The following ERCC6L2 variants were observed in gnomAD, a reference collection of about 807,000 sequenced individuals.
The protein encoded by ERCC6L2 is ERCC excision repair 6 like 2.
A neutral mutation model predicts 132.0 loss-of-function variants in ERCC6L2; 77 were observed. The observed-to-expected ratio is 0.58, with a 90% CI of 0.49 to 0.71. The LOEUF (loss-of-function observed/expected upper bound fraction) is 0.71, where lower values mean the gene tolerates loss of function less well. Ranked by LOEUF, ERCC6L2 falls within the 30% of genes least tolerant of loss-of-function variation. The probability of loss-of-function intolerance (pLI) is 0.00; values close to 1 mark genes in which losing one functional copy is unlikely to be tolerated. For synonymous variants in ERCC6L2, 583 were observed against 632.4 expected (o/e 0.92, Z 1.17); for missense variants, 1,542 against 1,837.6 (o/e 0.84, Z 2.94).
In ERCC6L2 at chr9:96,013,132, A is replaced by C. The variant is rs750844516; in HGVS notation, c.4582A>C (p.Lys1528Gln). The C allele has an allele frequency of 2.9e-6, 4 of 1,367,412 alleles. No individual in the cohort carries two copies. The highest frequency in any genetic ancestry group is 3.9e-6 in the Non-Finnish European group (4 of 1,021,808). 84.7% of individuals were successfully genotyped at this position (1,367,412 alleles called of 1,614,324 possible). The change falls in exon 19 of 19, where the codon AAA becomes CAA. Residue 1528 changes from lysine (K) to glutamine (Q), a missense_variant. Lys to Gln is a moderately conservative substitution (Grantham distance 53). Transcript: ENST00000653738. ...AACTTCTCTTTGGAAATCAAATGAG[A>C]AATTTTTATGGAAGAAATTTAGCCC... Reference protein sequence around the residue: ...PATSLWKSNEKFLWKKFSPSD... With the variant: ...PATSLWKSNEQFLWKKFSPSD...
In ERCC6L2 at chr9:95,915,831, T is replaced by G. The variant is rs1829557865; in HGVS notation, c.950+2T>G. ...GGAACTGTGGTGTGTTATGGACTGG[T>G]GAGAGAAAACACTTTTTAAAAAATT... On this transcript the variant is annotated splice_donor_variant, in intron 5 of 18. Transcript: ENST00000653738. LOFTEE classifies it high-confidence loss of function. 1.3e-6 allele frequency: 2 copies of G among 1,583,928 alleles called. No individual in the cohort carries two copies. Among genetic ancestry groups the G allele is most frequent in the Non-Finnish European group, 1.7e-6 (2 of 1,169,042 alleles).
At chr9:95,975,318 T>G (rs913367167) in intron 16 of ERCC6L2, among the ~76,000 whole-genome samples, 7 of 152,178 alleles carry the variant, frequency 4.6e-5, no homozygotes, top group Non-Finnish European at 7.3e-5. Flanking sequence ...TTCATGAGAA[T>G]AATATTCCCT....
intron 13 of ERCC6L2, among the ~76,000 whole-genome samples, chr9:95,963,873 C>T (rs927590821): frequency 6.6e-6 from 1 of 152,134 alleles, no homozygotes; most frequent in African/African-American, 2.4e-5. Context: ...GTGCTCTTCT[C>T]GTTGCATCAG....
chr9:95,939,674 T>C (rs561982017), intron 11 of ERCC6L2, among the ~76,000 whole-genome samples: 18 of 152,328 alleles, frequency 1.2e-4, no homozygotes, highest in Middle Eastern at 3.4e-3. Flanking sequence ...TTGTTTTGTT[T>C]GTTTTTGCTG....
intron 4 of ERCC6L2, 51 bp downstream of exon 4, chr9:95,907,322 T>G: frequency 2.1e-6 from 2 of 955,654 alleles, no homozygotes; most frequent in Non-Finnish European, 3.0e-6. Flanking sequence ...TCTACTTACA[T>G]CCCTTTATAT....
intron 17 of ERCC6L2, among the ~76,000 whole-genome samples, chr9:96,001,648 T>A (rs1270771301): frequency 6.6e-6 from 1 of 152,244 alleles, no homozygotes. Flanking sequence ...GGAGCCCAGC[T>A]GGCTTCACCC....
intron 12 of ERCC6L2, among the ~76,000 whole-genome samples, chr9:95,951,370 A>G (rs901050822): frequency 6.6e-6 from 1 of 152,188 alleles, no homozygotes. Flanking sequence ...AAAGGTCTAA[A>G]TCAACAATTA....
intron 13 of ERCC6L2, among the ~76,000 whole-genome samples, chr9:95,961,784 T>G (rs984419471): frequency 6.6e-6 from 1 of 152,080 alleles, no homozygotes; most frequent in African/African-American, 2.4e-5. Context: ...AAGAAGAGGT[T>G]TAATGGACTT....
intron 16 of ERCC6L2, among the ~76,000 whole-genome samples, chr9:95,976,221 G>C (rs1415086728): frequency 3.9e-5 from 6 of 152,066 alleles, no homozygotes; most frequent in Admixed American, 3.9e-4. Context: ...TCTCTCCCTT[G>C]CTTTGCTCTA....
At chr9:95,992,959 A>C (rs1833353009) in intron 17 of ERCC6L2, among the ~76,000 whole-genome samples, 1 of 152,232 alleles carries the variant, frequency 6.6e-6, no homozygotes, top group African/African-American at 2.4e-5. Context: ...GGTAGTCTTT[A>C]TAGAAAATAT....
intron 7 of ERCC6L2, among the ~76,000 whole-genome samples, 175 bp from the exon 8 acceptor site, chr9:95,922,130 C>A (rs1417479613): frequency 1.3e-5 from 2 of 152,196 alleles, no homozygotes; most frequent in Non-Finnish European, 2.9e-5. Context: ...CAAAAGTATG[C>A]TTCCACATTA....
At chr9:96,004,794 A>G in intron 18 of ERCC6L2, 93 bp downstream of exon 18, 1 of 792,674 alleles carries the variant, frequency 1.3e-6, no homozygotes, top group Non-Finnish European at 1.8e-6. Flanking sequence ...AATTATAACC[A>G]TAACTGACAT....
intron 13 of ERCC6L2, among the ~76,000 whole-genome samples, chr9:95,963,398 C>T (rs1389370715): frequency 6.6e-6 from 1 of 151,888 alleles, no homozygotes; most frequent in Non-Finnish European, 1.5e-5. Flanking sequence ...ACTCTCCTAC[C>T]AACACTCTAA....
intron 17 of ERCC6L2, among the ~76,000 whole-genome samples, chr9:95,979,887 T>G (rs1832823297): frequency 6.7e-6 from 1 of 149,216 alleles, no homozygotes; most frequent in Non-Finnish European, 1.5e-5. Context: ...TTTTATTAGG[T>G]TTTTTTTTAA....
At chr9:95,985,206 C>T (rs1833051477) in intron 17 of ERCC6L2, among the ~76,000 whole-genome samples, 1 of 151,666 alleles carries the variant, frequency 6.6e-6, no homozygotes, top group Admixed American at 6.6e-5. Context: ...CATGTGGATT[C>T]GTTTTTTCCT....
rs148800827 is a variant in ERCC6L2, at chr9:95,995,640, A to G, written c.3493-8880A>G. ...TTTTGTGGCCACCCTGCTTCACACAAGGCTATTGGCATCATTTTTCCAACA... is the reference window on the plus strand; with the variant it reads ...TTTTGTGGCCACCCTGCTTCACACAGGGCTATTGGCATCATTTTTCCAACA... On this transcript the variant is annotated intron_variant, in intron 17 of 18. Coordinates refer to ENST00000653738, the MANE Select transcript of ERCC6L2 (RefSeq NM_020207.7). 1.2e-4 allele frequency among the ~76,000 whole-genome samples: 18 copies of G among 152,298 alleles called. No homozygotes were observed. The East Asian group carries it at 3.3e-3, about 28-fold the overall frequency.
At chr9:96,022,432 T>A (rs1317642839), downstream of ERCC6L2, among the ~76,000 whole-genome samples, 1 of 152,234 alleles carries the variant, frequency 6.6e-6, no homozygotes, top group Non-Finnish European at 1.5e-5. Flanking sequence ...TCTCGTTTAA[T>A]CTGCCCAACA....
At chr9:95,943,798 G>A (rs4742791) in intron 12 of ERCC6L2, among the ~76,000 whole-genome samples, 45,473 of 151,958 alleles carry the variant, frequency 0.3, 7,084 homozygotes, top group East Asian at 0.39. Flanking sequence ...CGGAACTATA[G>A]TGAGGTACAA....
intron 6 of ERCC6L2, among the ~76,000 whole-genome samples, chr9:95,918,901 T>C (rs1829727937): frequency 6.6e-6 from 1 of 151,942 alleles, no homozygotes; most frequent in Non-Finnish European, 1.5e-5. Flanking sequence ...GGAGTCTCAC[T>C]CTGTCACCCA....
Sources: gnomAD v4.1 joint callset for allele counts (sites outside exome capture counted in the v4.1 genomes callset) on GRCh38, gnomAD v4.1.1 for gene constraint, MANE v1.5 for transcripts, NCBI Gene and HGNC (gene_info 2026-07-23, HGNC 2026-07-21) for gene names.